The following DNAH10 variants were observed in gnomAD, a reference collection of about 807,000 sequenced individuals.
DNAH10 encodes axonemal beta dynein heavy chain 10.
In DNAH10, 348 loss-of-function variants were observed where a neutral mutation model predicts 506.6. That is an observed-to-expected ratio of 0.69 (90% CI 0.63 to 0.75). The LOEUF (loss-of-function observed/expected upper bound fraction) is 0.75, where lower values mean the gene tolerates loss of function less well. DNAH10 is among the 30% of genes least tolerant of loss of function. The pLI is 0.00. For synonymous variants in DNAH10, 2,059 were observed against 2,198.6 expected (o/e 0.94, Z 1.78); for missense variants, 5,179 against 5,787.1 (o/e 0.89, Z 3.41).
chr12:123,907,776 T>C lies in DNAH10; in HGVS notation c.9816-1485T>C. Among the ~76,000 whole-genome samples the C allele has an allele frequency of 6.6e-6, 1 of 152,138 alleles. No individual in the cohort carries two copies. The highest frequency in any genetic ancestry group is 1.5e-5 in the Non-Finnish European group (1 of 68,014). On this transcript the variant is annotated intron_variant, in intron 57 of 78. Transcript: ENST00000673944. The surrounding 1 kb of genome is among the most constrained non-coding windows in gnomAD (Gnocchi z 4.4). ...AGCGGTGGCCGGGGCCTGGTTTCCATCCACCCTGAAGGGACCTTTTAAAGA... is the reference window on the plus strand; with the variant it reads ...AGCGGTGGCCGGGGCCTGGTTTCCACCCACCCTGAAGGGACCTTTTAAAGA...
intron 51 of DNAH10, among the ~76,000 whole-genome samples, chr12:123,886,472 C>T (rs1350475342): frequency 2.3e-5 from 3 of 132,550 alleles, no homozygotes; most frequent in East Asian, 2.1e-4. Flanking sequence ...TTGCGTTGCG[C>T]GCGCGCGCGT....
At chr12:123,922,909 T>C (rs1374080371) in intron 65 of DNAH10, 1 of 152,214 alleles carries the variant, frequency 6.6e-6, no homozygotes, top group Admixed American at 6.5e-5. Flanking sequence ...TACTGGAAGT[T>C]GGGGCTTCAA....
intron 28 of DNAH10, among the ~76,000 whole-genome samples, chr12:123,838,099 T>G (rs1565971920): frequency 6.6e-6 from 1 of 152,194 alleles, no homozygotes; most frequent in Non-Finnish European, 1.5e-5. Context: ...GCCAGCTTCC[T>G]TTACTCAGCA....
intron 54 of DNAH10, among the ~76,000 whole-genome samples, chr12:123,896,148 C>CACACACACAT (rs1383690518): frequency 3.5e-4 from 33 of 95,322 alleles, no homozygotes; most frequent in Admixed American, 1.3e-3. Context: ...CACACACACA[C>CACACACACAT]AGAGAGAGAG....
At chr12:123,918,248 G>T (rs181473814) in intron 64 of DNAH10, among the ~76,000 whole-genome samples, 1 of 152,144 alleles carries the variant, frequency 6.6e-6, no homozygotes, top group South Asian at 2.1e-4. Context: ...ACGTCCTCTC[G>T]GGTCCAAACC....
Position 123,930,402 on chromosome 12 carries a change from G to T in DNAH10, c.12613G>T (p.Val4205Phe). 1 of 1,562,052 alleles carries T rather than the reference G, an allele frequency of 6.4e-7. No homozygotes were observed. Among genetic ancestry groups the T allele is most frequent in the Non-Finnish European group, 8.6e-7 (1 of 1,159,238 alleles). ...WGSLKYLIGE[V>F]MYGGRAIDSF... ...TGGCTCTCAGGCCCTCTAATTTCAG[G>T]TCATGTATGGAGGACGGGCCATCGA... Residue 4205 changes from valine (V) to phenylalanine (F), a missense_variant and splice_region_variant, in exon 73 of 79, where the codon GTC (valine) becomes TTC (phenylalanine). Physicochemically the swap from Val to Phe is conservative, Grantham distance 50 (BLOSUM62 -1). Transcript: ENST00000673944.
At chr12:123,887,369 G>C (rs1293135470) in intron 52 of DNAH10, 56 bp downstream of exon 52, 14 of 1,557,018 alleles carry the variant, frequency 9.0e-6, no homozygotes, top group Non-Finnish European at 6.1e-6. Flanking sequence ...TCTTAAGGGA[G>C]TTCACTTTCT....
intron 44 of DNAH10, 109 bp downstream of exon 44, chr12:123,870,594 GAGAGCTGGT>G (rs1951991599): frequency 7.0e-7 from 1 of 1,430,442 alleles, no homozygotes; most frequent in Non-Finnish European, 9.3e-7. Context: ...GTCCCACGCA[GAGAGCTGGT>G]AGAGAAGAAT....
At chr12:123,915,348 A>G (rs1382417461) in intron 62 of DNAH10, among the ~76,000 whole-genome samples, 1 of 152,148 alleles carries the variant, frequency 6.6e-6, no homozygotes, top group East Asian at 1.9e-4. Context: ...GGGGAGAGTA[A>G]TGGCTTGATT....
intron 59 of DNAH10, among the ~76,000 whole-genome samples, chr12:123,911,262 T>TG (rs1441618531): frequency 4.5e-4 from 26 of 58,054 alleles, no homozygotes; most frequent in African/African-American, 1.9e-3. Flanking sequence ...GGCCTGGTGG[T>TG]GGTGGGGGGT....
At chr12:123,841,149 G>A (rs956183724) in intron 29 of DNAH10, among the ~76,000 whole-genome samples, 173 bp from the exon 30 acceptor site, 4 of 152,196 alleles carry the variant, frequency 2.6e-5, no homozygotes, top group African/African-American at 9.7e-5. Flanking sequence ...CCCAATAAGT[G>A]TCTTTGGGAT....
chr12:123,872,912 G>T (rs541928248), intron 45 of DNAH10, among the ~76,000 whole-genome samples: 1 of 152,332 alleles, frequency 6.6e-6, no homozygotes, highest in African/African-American at 2.4e-5. Flanking sequence ...AGGTGGAGCT[G>T]ATGCATAATT....
At position 123,928,621 on chromosome 12, in the gene DNAH10, A is replaced by G. The variant is rs1242563241; in HGVS notation, c.12306+34A>G. The G allele has an allele frequency of 6.4e-7, 1 of 1,559,824 alleles. No homozygotes were observed. Among genetic ancestry groups the G allele is most frequent in the Non-Finnish European group, 8.7e-7 (1 of 1,152,074 alleles). The stretch of plus-strand genomic sequence containing the variant: ...TCAGGATGGACATCAACATGCCAGC[A>G]CGCAGCTTCTCAGAACACCTGCATG... On this transcript the variant is annotated intron_variant, in intron 70 of 78. Transcript: ENST00000673944. This position sits in a 1 kb window ranked among gnomAD's most constrained non-coding sequence, Gnocchi z 4.9.
chr12:123,812,317 G>T (rs1958971299), intron 19 of DNAH10, among the ~76,000 whole-genome samples: 1 of 152,116 alleles, frequency 6.6e-6, no homozygotes, highest in Non-Finnish European at 1.5e-5. Flanking sequence ...TGGATGTGGG[G>T]GTGGGTGCCT....
At chr12:123,890,969 G>A (rs1310719039) in intron 52 of DNAH10, among the ~76,000 whole-genome samples, 2 of 152,196 alleles carry the variant, frequency 1.3e-5, no homozygotes, top group African/African-American at 2.4e-5. Flanking sequence ...GTCATATAGT[G>A]TATTAGTTTG....
intron 72 of DNAH10, 190 bp downstream of exon 72, chr12:123,929,949 G>T: frequency 1.6e-6 from 1 of 619,888 alleles, no homozygotes; most frequent in Non-Finnish European, 2.8e-6. Flanking sequence ...TCACATGGAG[G>T]TTCCCTGAGC....
chr12:123,924,200 G>A, intron 66 of DNAH10, 78 bp from the exon 67 acceptor site: 2 of 1,480,898 alleles, frequency 1.4e-6, no homozygotes, highest in Non-Finnish European at 1.8e-6. Flanking sequence ...TTTCCCAAAA[G>A]TGGGAGAAGT....
At chr12:123,804,479 C>T (rs1053681262) in intron 17 of DNAH10, among the ~76,000 whole-genome samples, 6 of 150,476 alleles carry the variant, frequency 4.0e-5, no homozygotes, top group African/African-American at 1.5e-4. Flanking sequence ...GAGCCCAGAT[C>T]GCACCACTGC....
At position 123,866,454 on chromosome 12, in the gene DNAH10, A is replaced by G. The variant is rs2136925764; in HGVS notation, c.7167+381A>G. ...GAGGCGGGGTTTCACCGTGTTAGCC[A>G]GGATGGTCTCGATCTCTTGAGCTCG... On this transcript the variant is annotated intron_variant, in intron 41 of 78. Transcript: ENST00000673944. 2.6e-5 allele frequency among the ~76,000 whole-genome samples: 4 copies of G among 151,794 alleles called. No homozygotes were observed. The Middle Eastern group carries it at 0.01, about 390-fold the overall frequency.
Sources: gnomAD v4.1 joint callset for allele counts (sites outside exome capture counted in the v4.1 genomes callset) on GRCh38, gnomAD v4.1.1 for gene constraint, Gnocchi (gnomAD v3.1) non-coding constraint, MANE v1.5 for transcripts, NCBI Gene and HGNC (gene_info 2026-07-23, HGNC 2026-07-21) for gene names.